Variants in MROH9 observed in about 807,000 individuals in gnomAD.
MROH9 encodes the protein maestro heat like repeat family member 9.
A neutral mutation model predicts 98.2 loss-of-function variants in MROH9; 92 were observed. That is an observed-to-expected ratio of 0.94 (90% CI 0.79 to 1.11). The LOEUF (loss-of-function observed/expected upper bound fraction) is 1.11. Ranked by LOEUF, MROH9 falls within the 50% of genes most tolerant of loss-of-function variation. MROH9 has a pLI of 0.00. For synonymous variants in MROH9, 397 were observed against 368.9 expected (o/e 1.08, Z -0.87); for missense variants, 1,057 against 1,014.8 (o/e 1.04, Z -0.57).
At chr1:170,972,774 T>C (rs28429207) in intron 8 of MROH9, among the ~76,000 whole-genome samples, 17,432 of 145,034 alleles carry the variant, frequency 0.12, 1,105 homozygotes, top group South Asian at 0.15. Context: ...ATCATGCCAC[T>C]GCACTCCAGC....
At chr1:171,005,259 T>C (rs1272440513) in intron 15 of MROH9, among the ~76,000 whole-genome samples, 1 of 152,116 alleles carries the variant, frequency 6.6e-6, no homozygotes, top group Non-Finnish European at 1.5e-5. Context: ...GAGATGGGTT[T>C]TGGGTTTCAC....
At chr1:171,049,673 GTTTTTTC>G (rs1183041068) in intron 20 of MROH9, among the ~76,000 whole-genome samples, 6 of 151,542 alleles carry the variant, frequency 4.0e-5, no homozygotes, top group East Asian at 1.9e-4. Context: ...TTTTTAATGA[GTTTTTTC>G]TTTTTTCTTT....
chr1:171,037,127 C>T (rs914072404), intron 20 of MROH9, among the ~76,000 whole-genome samples: 6 of 151,264 alleles, frequency 4.0e-5, no homozygotes, highest in African/African-American at 7.3e-5. Flanking sequence ...TTAAATTATG[C>T]TAATCTCAAA....
chr1:170,956,395 A>G (rs1649758258), intron 3 of MROH9, among the ~76,000 whole-genome samples: 1 of 151,966 alleles, frequency 6.6e-6, no homozygotes, highest in Non-Finnish European at 1.5e-5. Flanking sequence ...GAATTTGTAG[A>G]TTGCTTTTGG....
intron 10 of MROH9, among the ~76,000 whole-genome samples, chr1:170,986,997 T>G (rs551819137): frequency 2.6e-5 from 4 of 152,090 alleles, no homozygotes; most frequent in African/African-American, 9.6e-5. Flanking sequence ...ACTACAGGCA[T>G]GTACCACCAC....
At chr1:170,968,505 C>T (rs1450195261) in intron 7 of MROH9, among the ~76,000 whole-genome samples, 1 of 152,148 alleles carries the variant, frequency 6.6e-6, no homozygotes, top group African/African-American at 2.4e-5. Context: ...AAATTTTAAG[C>T]AGCAACCACA....
chr1:170,962,531 T>C (rs1324690405), intron 6 of MROH9, among the ~76,000 whole-genome samples: 1 of 152,134 alleles, frequency 6.6e-6, no homozygotes. Context: ...CAACTTTGCA[T>C]TCCTAACATG....
intron 20 of MROH9, among the ~76,000 whole-genome samples, chr1:171,060,878 T>C (rs1653989862): frequency 6.6e-6 from 1 of 151,930 alleles, no homozygotes; most frequent in Non-Finnish European, 1.5e-5. Context: ...AGATGATGAG[T>C]TCAACTACAT....
intron 8 of MROH9, among the ~76,000 whole-genome samples, chr1:170,978,554 G>A (rs1650803963): frequency 6.6e-6 from 1 of 152,086 alleles, no homozygotes; most frequent in Admixed American, 6.5e-5. Flanking sequence ...TGTGTTGGAG[G>A]TGCCAGCATA....
intron 3 of MROH9, among the ~76,000 whole-genome samples, chr1:170,954,683 C>T (rs1044290813): frequency 6.6e-6 from 1 of 151,962 alleles, no homozygotes; most frequent in African/African-American, 2.4e-5. Context: ...TATTATCTTT[C>T]ATCTTTTTGA....
chr1:171,037,694 A>T (rs1264851182), intron 20 of MROH9, among the ~76,000 whole-genome samples: 4 of 152,060 alleles, frequency 2.6e-5, no homozygotes, highest in African/African-American at 4.8e-5. Flanking sequence ...TAGCCCTATC[A>T]TACATCAATA....
chr1:170,959,300 G>A (rs35251796), intron 4 of MROH9, among the ~76,000 whole-genome samples, 162 bp from the exon 5 acceptor site: 13,493 of 152,156 alleles, frequency 0.089, 727 homozygotes, highest in East Asian at 0.13. Context: ...GTGTGAACCC[G>A]GGAGGTGGAG....
chr1:170,954,142 C>T (rs1284124575), intron 3 of MROH9, among the ~76,000 whole-genome samples: 2 of 151,986 alleles, frequency 1.3e-5, no homozygotes, highest in Non-Finnish European at 2.9e-5. Context: ...ATAAAAATGT[C>T]TCTAGGTATT....
At position 170,998,133 on chromosome 1, in the gene MROH9, G is replaced by C. The variant is rs777441270; in HGVS notation, c.1476-21G>C. The C allele has an allele frequency of 4.5e-6, 7 of 1,568,036 alleles. No homozygotes were observed. In the East Asian group the frequency reaches 1.1e-4, roughly 25 times the overall value. ...TGGTGTTTTCTCCTTTGCTAATTCAGTGCCTTATTCTCTTTTACAGAACTC... is the reference window on the plus strand; with the variant it reads ...TGGTGTTTTCTCCTTTGCTAATTCACTGCCTTATTCTCTTTTACAGAACTC... On this transcript the variant is annotated intron_variant, in intron 14 of 21. Coordinates refer to ENST00000367759, the MANE Select transcript of MROH9 (RefSeq NM_001163629.2).
chr1:171,029,176 T>A (rs948337776), intron 20 of MROH9, among the ~76,000 whole-genome samples: 1 of 152,176 alleles, frequency 6.6e-6, no homozygotes, highest in African/African-American at 2.4e-5. Flanking sequence ...AATAGCTTTA[T>A]TATTGTGAGA....
At position 171,016,356 on chromosome 1, in the gene MROH9, A is replaced by G; in HGVS notation, c.1908+20A>G. 1.4e-6 allele frequency: 2 copies of G among 1,434,472 alleles called. No homozygotes were observed. The highest frequency in any genetic ancestry group is 3.1e-5 in the South Asian group (2 of 64,338). The allele number at this position is 1,434,472 out of a possible 1,614,324, so 88.9% of individuals were successfully genotyped here. ...GATCATGTGAGTTACACAGTTAGAT[A>G]TGTGAGATCATTAGGTTTTGTGGTT... On this transcript the variant is annotated intron_variant, in intron 17 of 21. Transcript: ENST00000367759.
rs764880322 is a variant in MROH9, at chr1:170,992,218, C to T, written c.1083C>T (p.His361=). The T allele has an allele frequency of 2.4e-5, 39 of 1,613,208 alleles. No individual in the cohort carries two copies. The highest frequency in any genetic ancestry group is 3.3e-5 in the South Asian group (3 of 91,028). The change falls in exon 12 of 22, where the codon CAC becomes CAT. Residue 361 remains histidine (H), a synonymous_variant. Transcript: ENST00000367759. ...AACSQASVAP[H]VLKTILLILK... ...GTTCTCAGGCGAGCGTGGCCCCTCA[C>T]GTGCTGAAGACAATCTTATTGATAC...
chr1:171,057,209 A>T (rs1239263806), intron 20 of MROH9, among the ~76,000 whole-genome samples: 1 of 152,238 alleles, frequency 6.6e-6, no homozygotes, highest in Non-Finnish European at 1.5e-5. Flanking sequence ...AAAGAAGCTA[A>T]AAACCTTGAT....
intron 15 of MROH9, among the ~76,000 whole-genome samples, chr1:170,999,873 T>G (rs572957990): frequency 1.1e-4 from 16 of 152,300 alleles, no homozygotes; most frequent in African/African-American, 3.8e-4. Flanking sequence ...ATTACTGTCA[T>G]TCTTGCAGGA....
Sources: allele counts gnomAD v4.1 joint callset (sites outside exome capture counted in the v4.1 genomes callset), GRCh38; gene constraint gnomAD v4.1.1; transcripts MANE v1.5; gene names NCBI Gene and HGNC (gene_info 2026-07-23, HGNC 2026-07-21).